Variants in AGBL4 observed in about 807,000 individuals in gnomAD.
The protein encoded by AGBL4 is cytosolic carboxypeptidase 6.
AGBL4 carries 58 observed loss-of-function variants against 66.4 expected under a neutral mutation model. The ratio of observed to expected loss-of-function variants is 0.87; its 90% CI spans 0.71 to 1.09. AGBL4 has a LOEUF of 1.09. Among genes scored for constraint, AGBL4 ranks in the 50% least tolerant of loss-of-function variants. The pLI is 0.00. For synonymous variants in AGBL4, 234 were observed against 222.9 expected (o/e 1.05, Z -0.44); for missense variants, 579 against 631.0 (o/e 0.92, Z 0.88).
chr1:49,262,857 T>C (rs1274534965), intron 3 of AGBL4, among the ~76,000 whole-genome samples: 3 of 152,146 alleles, frequency 2.0e-5, no homozygotes, highest in African/African-American at 7.2e-5. Flanking sequence ...CATGTACACG[T>C]ATGTTTATTG....
chr1:49,039,360 G>A (rs867384290), intron 5 of AGBL4, among the ~76,000 whole-genome samples: 97 of 152,058 alleles, frequency 6.4e-4, no homozygotes, highest in African/African-American at 2.0e-3. Context: ...ATGTGTCAAC[G>A]TAAGTTCATC....
chr1:49,953,933 C>T (rs1398193973), intron 1 of AGBL4, among the ~76,000 whole-genome samples: 2 of 151,834 alleles, frequency 1.3e-5, no homozygotes, highest in Admixed American at 6.6e-5. Flanking sequence ...TGCTCTGTCA[C>T]CCAGGCTGGA....
chr1:49,641,077 T>C (rs538286090), intron 3 of AGBL4, among the ~76,000 whole-genome samples: 1 of 152,126 alleles, frequency 6.6e-6, no homozygotes, highest in East Asian at 1.9e-4. Context: ...AGCCTAAAAG[T>C]TGGAAAAAAT....
intron 3 of AGBL4, among the ~76,000 whole-genome samples, chr1:49,402,654 G>A (rs1332370410): frequency 6.7e-6 from 1 of 148,168 alleles, no homozygotes; most frequent in Non-Finnish European, 1.5e-5. Context: ...TGTAATCTCT[G>A]CCTCCTGGGT....
intron 3 of AGBL4, among the ~76,000 whole-genome samples, chr1:49,546,562 A>C (rs992182417): frequency 6.6e-6 from 1 of 152,018 alleles, no homozygotes; most frequent in African/African-American, 2.4e-5. Flanking sequence ...TGCTAGTACT[A>C]CTTCTAGTTC....
chr1:49,418,284 T>A (rs1047211164), intron 3 of AGBL4, among the ~76,000 whole-genome samples: 1 of 152,170 alleles, frequency 6.6e-6, no homozygotes, highest in Non-Finnish European at 1.5e-5. Context: ...AATGGCCACC[T>A]GCCACATCTC....
chr1:49,483,441 T>A (rs1646997637), intron 3 of AGBL4, among the ~76,000 whole-genome samples: 1 of 151,874 alleles, frequency 6.6e-6, no homozygotes, highest in African/African-American at 2.4e-5. Context: ...CCTCTCAAAA[T>A]ACCAATGAAA....
intron 3 of AGBL4, among the ~76,000 whole-genome samples, chr1:49,405,034 TG>T (rs1645167111): frequency 6.6e-6 from 1 of 152,208 alleles, no homozygotes; most frequent in Non-Finnish European, 1.5e-5. Flanking sequence ...ACTGGGTGCT[TG>T]GGAATGCTCA....
intron 5 of AGBL4, among the ~76,000 whole-genome samples, chr1:49,028,943 A>G (rs1312796450): frequency 6.6e-6 from 1 of 152,214 alleles, no homozygotes; most frequent in Non-Finnish European, 1.5e-5. Context: ...CAATTTTAAT[A>G]AAATAAAGGA....
At chr1:48,797,805 C>T (rs928256455) in intron 6 of AGBL4, among the ~76,000 whole-genome samples, 1 of 152,134 alleles carries the variant, frequency 6.6e-6, no homozygotes, top group Non-Finnish European at 1.5e-5. Flanking sequence ...CCTCAGCCTC[C>T]CGAAGTGTTA....
intron 5 of AGBL4, among the ~76,000 whole-genome samples, chr1:48,888,582 C>T (rs1484114488): frequency 6.6e-6 from 1 of 152,216 alleles, no homozygotes; most frequent in Non-Finnish European, 1.5e-5. Flanking sequence ...CCTGCTTCCC[C>T]TACACCTTCT....
At chr1:48,542,535 T>C (rs977667013) in intron 11 of AGBL4, among the ~76,000 whole-genome samples, 1 of 152,254 alleles carries the variant, frequency 6.6e-6, no homozygotes, top group Non-Finnish European at 1.5e-5. Context: ...ATCGCCATTC[T>C]AACTGGCGTG....
At chr1:49,229,214 G>A (rs1362305908) in intron 4 of AGBL4, among the ~76,000 whole-genome samples, 1 of 152,152 alleles carries the variant, frequency 6.6e-6, no homozygotes, top group Non-Finnish European at 1.5e-5. Context: ...CTGGCATCCT[G>A]TGCATACCAT....
intron 1 of AGBL4, among the ~76,000 whole-genome samples, chr1:49,865,345 C>T (rs1646675250): frequency 6.6e-6 from 1 of 152,058 alleles, no homozygotes; most frequent in Non-Finnish European, 1.5e-5. Flanking sequence ...AGGAATATTC[C>T]CTCTGGCATC....
intron 1 of AGBL4, among the ~76,000 whole-genome samples, chr1:49,879,342 T>G (rs1229060797): frequency 7.9e-5 from 12 of 151,268 alleles, no homozygotes; most frequent in Non-Finnish European, 1.0e-4. Flanking sequence ...AGGAGCTCTT[T>G]TAGGGCAGGC....
intron 3 of AGBL4, among the ~76,000 whole-genome samples, chr1:49,383,198 G>A (rs1311552871): frequency 6.6e-6 from 1 of 152,096 alleles, no homozygotes; most frequent in Non-Finnish European, 1.5e-5. Context: ...TTACTAAAAT[G>A]TCTGTACTAC....
chr1:49,253,128 C>G (rs1161558966), intron 3 of AGBL4, among the ~76,000 whole-genome samples: 1 of 152,082 alleles, frequency 6.6e-6, no homozygotes, highest in African/African-American at 2.4e-5. Flanking sequence ...GATAAAGAAC[C>G]AAAACCCAGT....
At chr1:49,786,433 T>C (rs572528681) in intron 2 of AGBL4, among the ~76,000 whole-genome samples, 2 of 152,158 alleles carry the variant, frequency 1.3e-5, no homozygotes, top group African/African-American at 4.8e-5. Context: ...AGTAACAATA[T>C]CTCTGAGCTT....
At chr1:49,115,589 G>GGAGA (rs148141722) in intron 4 of AGBL4, among the ~76,000 whole-genome samples, 2 of 150,700 alleles carry the variant, frequency 1.3e-5, no homozygotes, top group African/African-American at 4.9e-5. Flanking sequence ...GTGTTTGGAG[G>GGAGA]GAGAGAGAGA....
Sources: allele counts gnomAD v4.1 joint callset (sites outside exome capture counted in the v4.1 genomes callset), GRCh38; gene constraint gnomAD v4.1.1; transcripts MANE v1.5; gene names NCBI Gene and HGNC (gene_info 2026-07-23, HGNC 2026-07-21).